Variants in C2orf76 observed in about 807,000 individuals in gnomAD.
C2orf76 encodes chromosome 2 open reading frame 76.
A neutral mutation model predicts 16.9 loss-of-function variants in C2orf76; 23 were observed. The observed-to-expected ratio is 1.36, with a 90% CI of 0.98 to 1.93. C2orf76 has a LOEUF of 1.93. Among genes scored for constraint, C2orf76 ranks in the 30% most tolerant of loss-of-function variants. The pLI is 0.00. For synonymous variants in C2orf76, 48 were observed against 52.3 expected, an observed-to-expected ratio of 0.92 and a Z score of 0.35; for missense variants, 152 against 152.6, an observed-to-expected ratio of 1.00 and a Z score of 0.02.
intron 5 of C2orf76, among the ~76,000 whole-genome samples, chr2:119,308,455 T>C (rs1172075709): frequency 1.3e-5 from 2 of 151,222 alleles, no homozygotes; most frequent in East Asian, 1.9e-4. Flanking sequence ...GCCTGGCCAA[T>C]ATGGCAAAAC....
intron 2 of C2orf76, among the ~76,000 whole-genome samples, 181 bp from the exon 3 acceptor site, chr2:119,321,385 A>G (rs1679336817): frequency 6.6e-6 from 1 of 152,120 alleles, no homozygotes; most frequent in South Asian, 2.1e-4. Flanking sequence ...TTCTCATACC[A>G]CTATAAAGAA....
intron 4 of C2orf76, among the ~76,000 whole-genome samples, chr2:119,312,610 A>T (rs1310551191): frequency 6.6e-6 from 1 of 152,102 alleles, no homozygotes; most frequent in East Asian, 1.9e-4. Context: ...AAGCTAAAAA[A>T]CATCTGGTTC....
At chr2:119,353,610 C>T (rs984652806) in intron 1 of C2orf76, among the ~76,000 whole-genome samples, 1 of 143,868 alleles carries the variant, frequency 7.0e-6, no homozygotes, top group Non-Finnish European at 1.5e-5. Context: ...GTCACCCAGG[C>T]TGGAGTGCAG....
chr2:119,325,605 C>A (rs1390602747), intron 2 of C2orf76, among the ~76,000 whole-genome samples: 3 of 151,994 alleles, frequency 2.0e-5, no homozygotes, highest in African/African-American at 7.3e-5. Flanking sequence ...GGAGACAGAG[C>A]AACACTGCCT....
intron 3 of C2orf76, among the ~76,000 whole-genome samples, 194 bp downstream of exon 3, chr2:119,320,959 AC>A (rs2104565564): frequency 6.6e-6 from 1 of 152,262 alleles, no homozygotes; most frequent in East Asian, 1.9e-4. Context: ...CAAACATGCT[AC>A]TCTTTGCAAA....
chr2:119,302,342 T>G lies in C2orf76; in HGVS notation c.*130A>C, dbSNP rs951531431. On this transcript the variant is annotated 3_prime_UTR_variant, in exon 6 of 6. Coordinates refer to ENST00000334816, the MANE Select transcript of C2orf76 (RefSeq NM_001322331.2). ...AAGGAAAGACCTGAAGAGAAAGAAATAACCAGATTTTAGCTCAAAGAGTAT... is the reference window on the plus strand; with the variant it reads ...AAGGAAAGACCTGAAGAGAAAGAAAGAACCAGATTTTAGCTCAAAGAGTAT... 6.7e-6 allele frequency: 3 copies of G among 446,094 alleles called. No homozygotes were observed. The highest frequency in any genetic ancestry group is 4.0e-5 in the Admixed American group (1 of 24,848). The allele number at this position is 446,094 out of a possible 1,614,324, so 27.6% of individuals were successfully genotyped here. A position where few individuals can be genotyped will look rare whatever the true frequency, so the allele number is the denominator to read the frequency against.
At chr2:119,359,647 G>A (rs1680680809) in intron 1 of C2orf76, among the ~76,000 whole-genome samples, 1 of 152,278 alleles carries the variant, frequency 6.6e-6, no homozygotes, top group South Asian at 2.1e-4. Context: ...CAAATGTGGT[G>A]GAAATAGCAA....
At chr2:119,342,339 G>A (rs564601932) in intron 1 of C2orf76, among the ~76,000 whole-genome samples, 10 of 152,212 alleles carry the variant, frequency 6.6e-5, no homozygotes, top group Admixed American at 3.9e-4. Context: ...GGCCAGGCGC[G>A]GTGGCTCACC....
rs1679799096 is a variant in C2orf76 at position 119,334,904 on chromosome 2, G to C, written c.133+4923C>G. 2.0e-5 allele frequency among the ~76,000 whole-genome samples: 3 copies of C among 152,104 alleles called. No homozygotes were observed. The South Asian group carries it at 6.2e-4, about 32-fold the overall frequency. The stretch of plus-strand genomic sequence containing the variant: ...TGCTTATGGCGAAAGGACACAAAAG[G>C]ACTGTATCTAACTGATATCAAGTTG... On this transcript the variant is annotated intron_variant, in intron 2 of 5. Coordinates refer to ENST00000334816, the MANE Select transcript of C2orf76 (RefSeq NM_001322331.2).
the C2orf76 span, among the ~76,000 whole-genome samples, chr2:119,284,323 A>G: frequency 6.6e-6 from 1 of 152,082 alleles, no homozygotes; most frequent in East Asian, 1.9e-4. Context: ...ATGCTGACAC[A>G]CCACAAAGGC....
chr2:119,364,063 CAG>C (rs1419342041), intron 1 of C2orf76, among the ~76,000 whole-genome samples: 1 of 149,438 alleles, frequency 6.7e-6, no homozygotes, highest in African/African-American at 2.5e-5. Flanking sequence ...GACAGACAGA[CAG>C]AGATAGGAGA....
chr2:119,295,851 G>A, the C2orf76 span, among the ~76,000 whole-genome samples: 18 of 152,168 alleles, frequency 1.2e-4, no homozygotes, highest in Admixed American at 1.0e-3. Context: ...GCAGCAGCAC[G>A]GAATGGAGGA....
intron 2 of C2orf76, among the ~76,000 whole-genome samples, chr2:119,323,067 G>C (rs1251111666): frequency 2.0e-5 from 3 of 152,106 alleles, no homozygotes; most frequent in Admixed American, 2.0e-4. Flanking sequence ...GCCCAGGCTA[G>C]AGTGCAGGGA....
chr2:119,345,650 T>C (rs865907107), intron 1 of C2orf76, among the ~76,000 whole-genome samples: 19 of 152,312 alleles, frequency 1.2e-4, no homozygotes, highest in Middle Eastern at 3.4e-3. Context: ...TTGGTAGAAA[T>C]AAGAAGTCAA....
At chr2:119,283,673 C>T in the C2orf76 span, among the ~76,000 whole-genome samples, 2 of 152,032 alleles carry the variant, frequency 1.3e-5, no homozygotes, top group Non-Finnish European at 1.5e-5. Context: ...TGGGGTTTCA[C>T]CATGTTGGCC....
At chr2:119,350,082 C>CA (rs1680346669) in intron 1 of C2orf76, among the ~76,000 whole-genome samples, 1 of 131,818 alleles carries the variant, frequency 7.6e-6, no homozygotes, top group Non-Finnish European at 1.7e-5. Flanking sequence ...CCCCGCCCCC[C>CA]CACCGTCCCG....
intron 1 of C2orf76, among the ~76,000 whole-genome samples, chr2:119,351,904 G>T (rs1424257869): frequency 2.6e-5 from 4 of 152,188 alleles, no homozygotes; most frequent in African/African-American, 9.6e-5. Context: ...ATAAATGTTA[G>T]TATGTAGGTG....
intron 2 of C2orf76, among the ~76,000 whole-genome samples, chr2:119,331,487 C>G (rs924085631): frequency 2.0e-5 from 3 of 152,222 alleles, no homozygotes; most frequent in Non-Finnish European, 4.4e-5. Context: ...TGAAGACTCA[C>G]ACTCTGCATA....
intron 2 of C2orf76, among the ~76,000 whole-genome samples, chr2:119,325,334 C>T (rs1044955671): frequency 1.3e-5 from 2 of 151,816 alleles, no homozygotes; most frequent in Non-Finnish European, 2.9e-5. Flanking sequence ...GTGGCGGGTG[C>T]CTGTATTCCC....
Sources: gnomAD v4.1 joint callset for allele counts (sites outside exome capture counted in the v4.1 genomes callset) on GRCh38, gnomAD v4.1.1 for gene constraint, MANE v1.5 for transcripts, NCBI Gene and HGNC (gene_info 2026-07-23, HGNC 2026-07-21) for gene names.